SLC9D1: variants seen among roughly 807,000 people sequenced by gnomAD.
SLC9D1 encodes the protein putative LAG1-interacting protein.
the SLC9D1 span, among the ~76,000 whole-genome samples, chr13:113,518,573 T>C: frequency 2.0e-5 from 3 of 152,236 alleles, no homozygotes; most frequent in African/African-American, 7.2e-5. Context: ...ACGTGTTATC[T>C]GCGGAAGATG....
At chr13:113,493,995 T>C in the SLC9D1 span, among the ~76,000 whole-genome samples, 1 of 152,236 alleles carries the variant, frequency 6.6e-6, no homozygotes, top group African/African-American at 2.4e-5. Context: ...TTGCTGCATC[T>C]AACCTACTTT....
the SLC9D1 span, chr13:113,524,112 T>A: frequency 1.8e-5 from 8 of 449,426 alleles, no homozygotes; most frequent in South Asian, 3.1e-5. Flanking sequence ...GAGTTTTTTT[T>A]AATATATGTC....
chr13:113,500,052 T>C, the SLC9D1 span: 2 of 1,594,906 alleles, frequency 1.3e-6, no homozygotes, highest in East Asian at 2.3e-5. Context: ...GAGGATGACT[T>C]GGGTCTTAGC....
the SLC9D1 span, among the ~76,000 whole-genome samples, chr13:113,537,235 C>A: frequency 1.3e-5 from 2 of 152,218 alleles, no homozygotes; most frequent in African/African-American, 4.8e-5. Context: ...CCATTTTAAT[C>A]ATTTGAAAGT....
chr13:113,534,414 AG>A, the SLC9D1 span: 1 of 629,784 alleles, frequency 1.6e-6, no homozygotes, highest in Non-Finnish European at 2.7e-6. Context: ...AATATAATAC[AG>A]GGAGCTAAAC....
chr13:113,495,617 G>A, the SLC9D1 span: 2 of 1,558,028 alleles, frequency 1.3e-6, no homozygotes, highest in Non-Finnish European at 8.7e-7. Context: ...TCTGGGTGCT[G>A]TTTCCCGTCC....
At chr13:113,530,265 A>G in the SLC9D1 span, 1 of 152,208 alleles carries the variant, frequency 6.6e-6, no homozygotes, top group Non-Finnish European at 1.5e-5. Flanking sequence ...TGGGATGATG[A>G]AAGTATTCTA....
chr13:113,525,757 C>T, the SLC9D1 span, among the ~76,000 whole-genome samples: 6 of 151,588 alleles, frequency 4.0e-5, no homozygotes, highest in South Asian at 2.1e-4. Flanking sequence ...AACAAGCCAT[C>T]GTCGTCGTAG....
the SLC9D1 span, among the ~76,000 whole-genome samples, chr13:113,543,114 C>CCGCCCTCCCTGTCCGTG: frequency 4.8e-5 from 5 of 103,520 alleles, no homozygotes; most frequent in East Asian, 6.4e-4. Context: ...CCCCTGCCCC[C>CCGCCCTCCCTGTCCGTG]AGCCCTCCCT....
the SLC9D1 span, among the ~76,000 whole-genome samples, chr13:113,541,263 C>T: frequency 2.2e-3 from 310 of 141,332 alleles, 19 homozygotes; most frequent in African/African-American, 7.9e-3. Flanking sequence ...TTATTACCGC[C>T]GAGATGTGTG....
chr13:113,549,044 G>T, the SLC9D1 span, among the ~76,000 whole-genome samples: 1 of 152,160 alleles, frequency 6.6e-6, no homozygotes, highest in Non-Finnish European at 1.5e-5. Flanking sequence ...GCCCGGGGTT[G>T]GCCTTCAGGC....
At chr13:113,531,802 G>A in the SLC9D1 span, among the ~76,000 whole-genome samples, 4 of 152,256 alleles carry the variant, frequency 2.6e-5, no homozygotes, top group Admixed American at 6.5e-5. Context: ...AGAGTTGAGC[G>A]CACTGTGGCT....
the SLC9D1 span, among the ~76,000 whole-genome samples, chr13:113,543,501 CCCT>C: frequency 2.6e-4 from 1 of 3,830 alleles, no homozygotes; most frequent in Admixed American, 2.9e-3. Context: ...CCTCCCCCCG[CCCT>C]CCATCTGTGT....
the SLC9D1 span, among the ~76,000 whole-genome samples, chr13:113,543,115 A>ACCACCTCCTCCCCCTGCTCCCC: frequency 7.2e-5 from 3 of 41,532 alleles, no homozygotes; most frequent in East Asian, 1.0e-3. Context: ...CCCTGCCCCC[A>ACCACCTCCTCCCCCTGCTCCCC]GCCCTCCCTG....
At chr13:113,503,345 T>TA in the SLC9D1 span, 2 of 475,036 alleles carry the variant, frequency 4.2e-6, no homozygotes, top group Non-Finnish European at 7.4e-6. Flanking sequence ...CACTGTGTGA[T>TA]TGTGTGTGTG....
chr13:113,504,860 C>G, the SLC9D1 span: 6 of 152,180 alleles, frequency 3.9e-5, no homozygotes, highest in African/African-American at 1.4e-4. Flanking sequence ...GGTAGAGCTA[C>G]TTTTAGTTCT....
the SLC9D1 span, among the ~76,000 whole-genome samples, chr13:113,517,525 T>C: frequency 6.6e-6 from 1 of 152,152 alleles, no homozygotes; most frequent in African/African-American, 2.4e-5. Flanking sequence ...TTTGTATTAG[T>C]GAATAAATGG....
chr13:113,513,655 A>G, the SLC9D1 span, among the ~76,000 whole-genome samples: 1 of 152,326 alleles, frequency 6.6e-6, no homozygotes, highest in African/African-American at 2.4e-5. Context: ...ATCAAAAGAG[A>G]GCTGTGACCT....
At chr13:113,506,174 G>T in the SLC9D1 span, 1 of 130,696 alleles carries the variant, frequency 7.7e-6, no homozygotes, top group South Asian at 8.1e-5. Flanking sequence ...CTGGCCTGTG[G>T]AGGAAGGAGC....
Sources: allele counts gnomAD v4.1 joint callset (sites outside exome capture counted in the v4.1 genomes callset), GRCh38; gene constraint gnomAD v4.1.1; transcripts MANE v1.5; gene names NCBI Gene and HGNC (gene_info 2026-07-23, HGNC 2026-07-21).